The following CKLF variants were observed in gnomAD, a reference collection of about 807,000 sequenced individuals.
CKLF encodes chemokine like factor.
CKLF carries 16 observed loss-of-function variants against 12.9 expected under a neutral mutation model. That is an observed-to-expected ratio of 1.24 (90% CI 0.84 to 1.88). CKLF has a LOEUF of 1.88. CKLF is among the 40% of genes most tolerant of loss of function. The pLI is 0.00. For synonymous variants in CKLF, 61 were observed against 69.0 expected (o/e 0.88, Z 0.57); for missense variants, 172 against 188.5 (o/e 0.91, Z 0.51).
intron 1 of CKLF, among the ~76,000 whole-genome samples, chr16:66,556,506 TG>T (rs2011458313): frequency 6.6e-6 from 1 of 152,238 alleles, no homozygotes. Context: ...GAACACAGTT[TG>T]ACAGAAACCA....
At chr16:66,556,633 C>T (rs1174831300) in intron 1 of CKLF, among the ~76,000 whole-genome samples, 1 of 152,078 alleles carries the variant, frequency 6.6e-6, no homozygotes. Context: ...GGGCTGAAGA[C>T]CTTGGTCCAA....
chr16:66,552,924 T>C, intron 1 of CKLF, 131 bp downstream of exon 1: 1 of 1,277,256 alleles, frequency 7.8e-7, no homozygotes, highest in Non-Finnish European at 1.1e-6. Flanking sequence ...AGGCAAGGCA[T>C]GGCCTCCTTG....
chr16:66,557,623 T>C (rs1463576253), intron 1 of CKLF, among the ~76,000 whole-genome samples: 1 of 152,170 alleles, frequency 6.6e-6, no homozygotes, highest in Non-Finnish European at 1.5e-5. Flanking sequence ...TGAAGAAGCA[T>C]AACAACAGTA....
chr16:66,552,789 G>A lies in CKLF; in HGVS notation c.74G>A (p.Arg25Gln), dbSNP rs1451825450. The A allele has an allele frequency of 5.0e-6, 8 of 1,614,014 alleles. No individual in the cohort carries two copies. Among genetic ancestry groups the A allele is most frequent in the East Asian group, 4.5e-5 (2 of 44,882 alleles). The part of the protein sequence containing the change: ...FSVKGHVKML[R>Q]LALTVTSMTF... ...GTGAAAGGCCACGTGAAGATGCTGCGGCTGGTGAGGCCGGGCCGCGGAGGG... is the reference window on the plus strand; with the variant it reads ...GTGAAAGGCCACGTGAAGATGCTGCAGCTGGTGAGGCCGGGCCGCGGAGGG... Residue 25 changes from arginine (R) to glutamine (Q), a missense_variant, in exon 1 of 4, where the codon CGG becomes CAG. Transcript: ENST00000264001.
intron 2 of CKLF, among the ~76,000 whole-genome samples, chr16:66,562,867 T>C (rs1371366027): frequency 6.6e-6 from 1 of 151,980 alleles, no homozygotes; most frequent in Non-Finnish European, 1.5e-5. Flanking sequence ...ATTACAGGCA[T>C]GCACCACCAT....
chr16:66,558,501 T>C, intron 2 of CKLF, 153 bp downstream of exon 2: 1 of 1,092,346 alleles, frequency 9.2e-7, no homozygotes, highest in Non-Finnish European at 1.3e-6. Flanking sequence ...TGCCCTGTAT[T>C]GCTTTGGGAG....
intron 1 of CKLF, among the ~76,000 whole-genome samples, chr16:66,555,213 G>A (rs906362117): frequency 6.6e-6 from 1 of 152,132 alleles, no homozygotes; most frequent in Admixed American, 6.6e-5. Flanking sequence ...CTCCAGCCTG[G>A]GTGACAAAGT....
rs16956708 is a variant in CKLF, at chr16:66,562,913, G to T, written c.238-209G>T. ...TTTTTGTTTTTTTTAGTAGAGACGG[G>T]GTTTCACCATGTCGGCCAGGCTGGT... On this transcript the variant is annotated intron_variant, in intron 2 of 3. Transcript: ENST00000264001. Among the ~76,000 whole-genome samples the T allele has an allele frequency of 7.7e-3, 1,172 of 152,128 alleles. 9 individuals carry two copies. The highest frequency in any genetic ancestry group is 0.011 in the Non-Finnish European group (719 of 67,996).
Position 66,565,924 on chromosome 16 carries a change from C to T in CKLF, c.372C>T (p.Asp124=). 4 of 1,614,044 alleles carry T rather than the reference C, an allele frequency of 2.5e-6. No individual in the cohort carries two copies. In the East Asian group the frequency reaches 6.7e-5, roughly 27 times the overall value. Residue 124 remains aspartate, a synonymous_variant, in exon 4 of 4, where the codon GAC becomes GAT. Coordinates refer to ENST00000264001, the MANE Select transcript of CKLF (RefSeq NM_016951.4). ...ALVTAVCCLA[D]GALIYRKLLF... is the part of the protein sequence containing the mutation. ...TGACAGCAGTATGCTGTCTTGCCGA[C>T]GGGGCCCTTATTTACCGGAAGCTTC...
intron 2 of CKLF, 97 bp from the exon 3 acceptor site, chr16:66,563,025 T>TG (rs2011848221): frequency 7.2e-7 from 1 of 1,398,596 alleles, no homozygotes; most frequent in Non-Finnish European, 9.9e-7. Flanking sequence ...CTGCTGACTT[T>TG]GTTTTTTGTT....
intron 1 of CKLF, among the ~76,000 whole-genome samples, chr16:66,555,478 G>A (rs2011402302): frequency 6.6e-6 from 1 of 152,218 alleles, no homozygotes. Flanking sequence ...GGGAAAAAGA[G>A]GAGTCCAAGA....
chr16:66,555,045 C>A (rs189540456), intron 1 of CKLF, among the ~76,000 whole-genome samples: 11 of 152,246 alleles, frequency 7.2e-5, no homozygotes. Flanking sequence ...AGCAGCCTGA[C>A]CAACATGGTG....
intron 1 of CKLF, chr16:66,553,317 A>T (rs1160437698): frequency 6.6e-6 from 1 of 152,650 alleles, no homozygotes; most frequent in Admixed American, 6.5e-5. Flanking sequence ...GAAAAAAAAA[A>T]AAGCCTCAGG....
At chr16:66,553,261 C>G (rs1022322870) in intron 1 of CKLF, 1 of 152,846 alleles carries the variant, frequency 6.5e-6, no homozygotes, top group Non-Finnish European at 1.5e-5. Flanking sequence ...GGTTACCAGG[C>G]GAGACAACTG....
intron 3 of CKLF, among the ~76,000 whole-genome samples, chr16:66,564,517 G>A (rs143191672): frequency 6.0e-5 from 9 of 150,634 alleles, no homozygotes; most frequent in Non-Finnish European, 1.0e-4. Flanking sequence ...GCCCAGGCTG[G>A]TGGAGTGCAG....
chr16:66,552,617 C>T lies in CKLF; in HGVS notation c.-99C>T, dbSNP rs1324534736. On this transcript the variant is annotated 5_prime_UTR_variant, in exon 1 of 4. Transcript: ENST00000264001. ...GGGCGAGAAGTAGGGGAGGGCGGTG[C>T]TCCGCCGCGGTGGCGGTTGCTATCG... The T allele has an allele frequency of 1.2e-5, 19 of 1,581,938 alleles. No individual in the cohort carries two copies. The highest frequency in any genetic ancestry group is 3.5e-4 in the Middle Eastern group (2 of 5,780).
intron 3 of CKLF, among the ~76,000 whole-genome samples, chr16:66,564,243 T>C (rs550881560): frequency 5.9e-5 from 9 of 152,322 alleles, no homozygotes; most frequent in Non-Finnish European, 1.2e-4. Flanking sequence ...CTATTCAGTA[T>C]AGTAACCATA....
Position 66,566,031 on chromosome 16 carries a change from T to G in CKLF, c.*20T>G, listed in dbSNP as rs1451623566. On this transcript the variant is annotated 3_prime_UTR_variant, in exon 4 of 4. Coordinates refer to ENST00000264001, the MANE Select transcript of CKLF (RefSeq NM_016951.4). This position sits in a 1 kb window ranked among gnomAD's most constrained non-coding sequence, Gnocchi z 4.9. ...TTGTAATTTTATATTACTTTTTAGT[T>G]TGATACTAAGTATTAAACATATTTC... 6.2e-7 allele frequency: 1 copy of G among 1,609,022 alleles called. No individual in the cohort carries two copies. Among genetic ancestry groups the G allele is most frequent in the Non-Finnish European group, 8.5e-7 (1 of 1,175,998 alleles).
chr16:66,553,270 T>C (rs2011265071), intron 1 of CKLF: 1 of 152,472 alleles, frequency 6.6e-6, no homozygotes, highest in Non-Finnish European at 1.5e-5. Context: ...GCGAGACAAC[T>C]GCAGTTATAC....
Sources: allele counts gnomAD v4.1 joint callset (sites outside exome capture counted in the v4.1 genomes callset), GRCh38; gene constraint gnomAD v4.1.1; non-coding constraint Gnocchi (gnomAD v3.1); transcripts MANE v1.5; gene names NCBI Gene and HGNC (gene_info 2026-07-23, HGNC 2026-07-21).